PTPRQ: variants seen among roughly 807,000 people sequenced by gnomAD.
The protein encoded by PTPRQ is phosphatidylinositol phosphatase PTPRQ.
In PTPRQ, 199 loss-of-function variants were observed where a neutral mutation model predicts 246.0. The observed-to-expected ratio is 0.81, with a 90% CI of 0.72 to 0.91. The LOEUF is 0.91. Ranked by LOEUF, PTPRQ falls within the 40% of genes least tolerant of loss-of-function variation. The pLI, the probability that PTPRQ is intolerant of heterozygous loss-of-function variation, is 0.00. For missense variants in PTPRQ, 2,624 were observed against 2,528.4 expected (o/e 1.04, Z -0.81); for synonymous variants, 869 against 853.2 (o/e 1.02, Z -0.32).
chr12:80,478,504 C>T (rs1032009918), intron 8 of PTPRQ, among the ~76,000 whole-genome samples: 2 of 152,190 alleles, frequency 1.3e-5, no homozygotes, highest in Non-Finnish European at 2.9e-5. Context: ...CAGTTCCTCA[C>T]CAGCAATGGA....
At chr12:80,602,446 A>G (rs1012832694) in intron 26 of PTPRQ, among the ~76,000 whole-genome samples, 4 of 151,752 alleles carry the variant, frequency 2.6e-5, no homozygotes, top group Admixed American at 6.6e-5. Context: ...GTAAGAATAG[A>G]CATTTGTTTT....
At position 80,542,285 on chromosome 12, in the gene PTPRQ, A is replaced by T. The variant is rs1291688801; in HGVS notation, c.3642A>T (p.Leu1214Phe). Residue 1214 changes from leucine (L) to phenylalanine (F), a missense_variant, in exon 22 of 45, where the codon TTA (leucine) becomes TTT (phenylalanine). Physicochemically the swap from Leu to Phe is conservative, Grantham distance 22. Coordinates refer to ENST00000644991, the MANE Select transcript of PTPRQ (RefSeq NM_001145026.2). The part of the protein sequence containing the change: ...IILEELSPFT[L>F]YSFFAAARTR... ...TGGAAGAGCTTTCACCATTTACATT[A>T]TATAGCTTTTTTGCTGCCGCAAGAA... The T allele has an allele frequency of 6.5e-7, 1 of 1,549,958 alleles. No individual in the cohort carries two copies. Among genetic ancestry groups the T allele is most frequent in the East Asian group, 2.4e-5 (1 of 40,858 alleles).
At chr12:80,511,411 T>G (rs1318199725) in intron 17 of PTPRQ, among the ~76,000 whole-genome samples, 1 of 152,178 alleles carries the variant, frequency 6.6e-6, no homozygotes, top group Non-Finnish European at 1.5e-5. Context: ...TTACCATTCC[T>G]TTTCATTACC....
At chr12:80,573,211 C>A (rs182594605) in intron 25 of PTPRQ, among the ~76,000 whole-genome samples, 1 of 152,086 alleles carries the variant, frequency 6.6e-6, no homozygotes, top group African/African-American at 2.4e-5. Context: ...ACTTTAGGGC[C>A]GGGCGCGGTG....
At chr12:80,582,484 C>T (rs910489559) in intron 25 of PTPRQ, among the ~76,000 whole-genome samples, 1 of 152,068 alleles carries the variant, frequency 6.6e-6, no homozygotes, top group South Asian at 2.1e-4. Flanking sequence ...TAGGGTAGAA[C>T]CCTCATGAAT....
chr12:80,569,016 A>ACTT (rs1280288887), intron 25 of PTPRQ, among the ~76,000 whole-genome samples: 14 of 151,816 alleles, frequency 9.2e-5, no homozygotes, highest in Admixed American at 6.6e-4. Context: ...CAAAGGACTG[A>ACTT]CTTATCTCCT....
intron 33 of PTPRQ, among the ~76,000 whole-genome samples, chr12:80,625,735 G>A (rs912072142): frequency 6.6e-6 from 1 of 152,108 alleles, no homozygotes; most frequent in Non-Finnish European, 1.5e-5. Context: ...GATAAACAGG[G>A]AAGATAACGT....
Position 80,648,934 on chromosome 12 carries a change from T to C in PTPRQ, c.5942+11T>C. 1.3e-6 allele frequency: 2 copies of C among 1,503,930 alleles called. No individual in the cohort carries two copies. The highest frequency in any genetic ancestry group is 1.8e-6 in the Non-Finnish European group (2 of 1,125,840). 93.2% of individuals were successfully genotyped at this position (1,503,930 alleles called of 1,614,324 possible). ...TAGAAAATCCATCAAGTAAGTTTGT[T>C]AAATATTTTCTTTCTTCTTTTTGAA... is the stretch of plus-strand genomic sequence containing the variant. On this transcript the variant is annotated intron_variant, in intron 36 of 44. Coordinates refer to ENST00000644991, the MANE Select transcript of PTPRQ (RefSeq NM_001145026.2).
intron 19 of PTPRQ, 114 bp downstream of exon 19, chr12:80,535,151 T>C: frequency 1.9e-6 from 2 of 1,077,986 alleles, no homozygotes; most frequent in South Asian, 2.1e-5. Flanking sequence ...TAGGCACAGA[T>C]GTATTTTATA....
chr12:80,667,849 T>A (rs1401081980), intron 39 of PTPRQ, among the ~76,000 whole-genome samples: 2 of 151,902 alleles, frequency 1.3e-5, no homozygotes, highest in Non-Finnish European at 2.9e-5. Context: ...CATATTTAGG[T>A]CTTTCGGTTG....
intron 26 of PTPRQ, among the ~76,000 whole-genome samples, chr12:80,590,696 C>G (rs939725295): frequency 6.7e-6 from 1 of 148,292 alleles, no homozygotes; most frequent in Admixed American, 6.7e-5. Flanking sequence ...AAAAAACTAT[C>G]CAATGTACTC....
intron 19 of PTPRQ, among the ~76,000 whole-genome samples, chr12:80,538,581 A>G (rs1167808986): frequency 1.3e-5 from 2 of 152,120 alleles, no homozygotes; most frequent in Admixed American, 6.6e-5. Flanking sequence ...TAACTTGTCT[A>G]TTTCTATGTA....
chr12:80,571,575 C>T (rs892370985), intron 25 of PTPRQ, among the ~76,000 whole-genome samples: 19 of 152,168 alleles, frequency 1.2e-4, no homozygotes, highest in African/African-American at 4.6e-4. Flanking sequence ...CTTTTAATCT[C>T]ATGTCAGTAC....
chr12:80,666,379 T>C (rs1255630028), intron 39 of PTPRQ, among the ~76,000 whole-genome samples: 1 of 151,790 alleles, frequency 6.6e-6, no homozygotes, highest in Non-Finnish European at 1.5e-5. Context: ...CTCGTGAAAG[T>C]AGAGAGTAGA....
intron 33 of PTPRQ, among the ~76,000 whole-genome samples, chr12:80,626,343 T>G (rs1899200657): frequency 6.6e-6 from 1 of 152,186 alleles, no homozygotes; most frequent in Non-Finnish European, 1.5e-5. Context: ...ATTTTTAAGT[T>G]CTGAAATCTT....
At chr12:80,482,489 C>G (rs1203715772) in intron 8 of PTPRQ, among the ~76,000 whole-genome samples, 1 of 151,278 alleles carries the variant, frequency 6.6e-6, no homozygotes, top group Non-Finnish European at 1.5e-5. Context: ...TCTAAAACAC[C>G]AAAAGCAATG....
intron 25 of PTPRQ, among the ~76,000 whole-genome samples, chr12:80,572,106 C>A (rs1897162259): frequency 6.6e-6 from 1 of 152,000 alleles, no homozygotes; most frequent in Non-Finnish European, 1.5e-5. Flanking sequence ...TATATACATG[C>A]ATGTATACAT....
intron 6 of PTPRQ, among the ~76,000 whole-genome samples, chr12:80,466,227 GC>G (rs1422458279): frequency 6.6e-6 from 1 of 152,126 alleles, no homozygotes; most frequent in Non-Finnish European, 1.5e-5. Context: ...CAAACAGAGA[GC>G]CAAATCATGA....
In PTPRQ at chr12:80,444,312, A is replaced by G; in HGVS notation, c.-34A>G. 1 of 1,108,044 alleles carries G rather than the reference A, an allele frequency of 9.0e-7. No homozygotes were observed. Among genetic ancestry groups the G allele is most frequent in the Non-Finnish European group, 1.3e-6 (1 of 746,276 alleles). 68.6% of individuals were successfully genotyped at this position (1,108,044 alleles called of 1,614,324 possible). On this transcript the variant is annotated 5_prime_UTR_variant, in exon 1 of 45. Transcript: ENST00000644991. ...GGCAACATTTCTCTCTAGAGCCATCAATGTGATTCTACTGGCTGAAAAATG... is the reference window on the plus strand; with the variant it reads ...GGCAACATTTCTCTCTAGAGCCATCGATGTGATTCTACTGGCTGAAAAATG...
Sources: allele counts gnomAD v4.1 joint callset (sites outside exome capture counted in the v4.1 genomes callset), GRCh38; gene constraint gnomAD v4.1.1; transcripts MANE v1.5; gene names NCBI Gene and HGNC (gene_info 2026-07-23, HGNC 2026-07-21).